The following ADCYAP1R1 variants were observed in gnomAD, a reference collection of about 807,000 sequenced individuals.
The protein encoded by ADCYAP1R1 is pituitary adenylate cyclase-activating polypeptide type I receptor.
A neutral mutation model predicts 67.6 loss-of-function variants in ADCYAP1R1; 44 were observed. The observed-to-expected ratio is 0.65, with a 90% CI of 0.51 to 0.84. ADCYAP1R1 has a LOEUF of 0.84. Ranked by LOEUF, ADCYAP1R1 falls within the 40% of genes least tolerant of loss-of-function variation. The pLI, the probability that ADCYAP1R1 is intolerant of heterozygous loss-of-function variation, is 0.00. For synonymous variants in ADCYAP1R1, 222 were observed against 219.6 expected (o/e 1.01, Z -0.10); for missense variants, 477 against 587.9 (o/e 0.81, Z 1.95).
At chr7:31,056,930 C>T (rs536688706) in intron 1 of ADCYAP1R1, 2 of 152,390 alleles carry the variant, frequency 1.3e-5, no homozygotes, top group Non-Finnish European at 1.5e-5. Flanking sequence ...AGGGGGCGCT[C>T]ATCCAGGTTT....
Position 31,102,120 on chromosome 7 carries a change from C to A in ADCYAP1R1, c.1047-1117C>A, listed in dbSNP as rs1471788579. Among the ~76,000 whole-genome samples the A allele has an allele frequency of 1.3e-5, 2 of 152,238 alleles. No homozygotes were observed. Among genetic ancestry groups the A allele is most frequent in the Non-Finnish European group, 2.9e-5 (2 of 68,038 alleles). On this transcript the variant is annotated intron_variant, in intron 13 of 15. Transcript: ENST00000304166. The surrounding 1 kb of genome is among the most constrained non-coding windows in gnomAD (Gnocchi z 4.3). ...GAGCTCCCATGTTCAACAGAACATT[C>A]TCTCCCAGAAAGGCTGAATGCGGGA...
At chr7:31,095,993 C>T (rs918104966) in intron 13 of ADCYAP1R1, among the ~76,000 whole-genome samples, 1 of 152,060 alleles carries the variant, frequency 6.6e-6, no homozygotes, top group Non-Finnish European at 1.5e-5. Context: ...TCGACTTGGT[C>T]TGGGGCAGGG....
intron 1 of ADCYAP1R1, among the ~76,000 whole-genome samples, chr7:31,059,905 C>T (rs1346124839): frequency 1.5e-5 from 2 of 133,028 alleles, no homozygotes; most frequent in Admixed American, 7.5e-5. Flanking sequence ...TCTTTGCTGG[C>T]GGGGGCGTCT....
intron 1 of ADCYAP1R1, among the ~76,000 whole-genome samples, chr7:31,060,670 A>G (rs2128614904): frequency 6.6e-6 from 1 of 151,760 alleles, no homozygotes; most frequent in South Asian, 2.1e-4. Flanking sequence ...CTGTGGACCT[A>G]TTTCTGTGTA....
chr7:31,053,624 G>T (rs973130407), intron 1 of ADCYAP1R1, among the ~76,000 whole-genome samples: 1 of 152,250 alleles, frequency 6.6e-6, no homozygotes, highest in African/African-American at 2.4e-5. Flanking sequence ...GAAGATGGGG[G>T]TGGGGTGGTG....
At chr7:31,063,133 T>C in intron 1 of ADCYAP1R1, 61 bp from the exon 2 acceptor site, 1 of 989,562 alleles carries the variant, frequency 1.0e-6, no homozygotes, top group South Asian at 1.5e-5. Flanking sequence ...GGAAGGGAGG[T>C]GGTCTTGCCC....
In ADCYAP1R1 at chr7:31,104,929, G is replaced by C. The variant is rs1796578901; in HGVS notation, c.1218+20G>C. On this transcript the variant is annotated intron_variant, in intron 15 of 15. Transcript: ENST00000304166. ...GGTGAGGTAAGACCTTGGCCCTCTGGCTTCTTGGCAGTGGAAGTGGGGCTT... is the reference window on the plus strand; with the variant it reads ...GGTGAGGTAAGACCTTGGCCCTCTGCCTTCTTGGCAGTGGAAGTGGGGCTT... The C allele has an allele frequency of 3.1e-6, 5 of 1,613,944 alleles. No individual in the cohort carries two copies. The highest frequency in any genetic ancestry group is 4.2e-6 in the Non-Finnish European group (5 of 1,179,836).
chr7:31,084,117 C>T lies in ADCYAP1R1; in HGVS notation c.329-24C>T, dbSNP rs574719357. The T allele has an allele frequency of 8.4e-5, 135 of 1,604,326 alleles. 1 individual carries two copies. The highest frequency in any genetic ancestry group is 7.2e-4 in the South Asian group (65 of 90,690). On this transcript the variant is annotated intron_variant, in intron 6 of 15. Transcript: ENST00000304166. Reference sequence around the variant, plus strand: ...GGCCCTCTTAATCATTTCTGGGCCTCGCTGAGTTTTCTTTTTGCTGCAGAC... The same window carrying T: ...GGCCCTCTTAATCATTTCTGGGCCTTGCTGAGTTTTCTTTTTGCTGCAGAC...
At chr7:31,097,881 G>T (rs748914047) in intron 13 of ADCYAP1R1, among the ~76,000 whole-genome samples, 1 of 152,210 alleles carries the variant, frequency 6.6e-6, no homozygotes, top group South Asian at 2.1e-4. Flanking sequence ...GTCACTGGCC[G>T]TAGGAGAGAA....
rs758560832 is a variant in ADCYAP1R1, at chr7:31,084,827, C to T, written c.529C>T (p.Arg177Cys). Reference protein sequence around the residue: ...TLTTAMVILCRFRKLHCTRNF... With the variant: ...TLTTAMVILCCFRKLHCTRNF... Reference sequence around the variant, plus strand: ...CACCACTGCCATGGTCATCCTTTGTCGCTTCCGGTGAGACCCTCAGCAACA... The same window carrying T: ...CACCACTGCCATGGTCATCCTTTGTTGCTTCCGGTGAGACCCTCAGCAACA... Residue 177 changes from arginine (R) to cysteine (C), a missense_variant, in exon 8 of 16, where the codon CGC (arginine) becomes TGC (cysteine). Transcript: ENST00000304166. 1.1e-5 allele frequency: 17 copies of T among 1,613,932 alleles called. No homozygotes were observed. Among genetic ancestry groups the T allele is most frequent in the Middle Eastern group, 1.6e-4 (1 of 6,084 alleles).
chr7:31,076,731 G>A (rs1346848514), intron 3 of ADCYAP1R1, among the ~76,000 whole-genome samples: 3 of 152,284 alleles, frequency 2.0e-5, no homozygotes, highest in East Asian at 3.9e-4. Flanking sequence ...CCCCTGCTGG[G>A]CCTGCCTTGG....
At chr7:31,092,321 A>C (rs1647730986) in intron 12 of ADCYAP1R1, among the ~76,000 whole-genome samples, 1 of 151,726 alleles carries the variant, frequency 6.6e-6, no homozygotes, top group Non-Finnish European at 1.5e-5. Flanking sequence ...CAATAGTCTT[A>C]CTTTATCTCT....
Position 31,111,216 on chromosome 7 carries a change from G to A in ADCYAP1R1, c.*4532G>A, listed in dbSNP as rs1364662767. The A allele has an allele frequency of 1.3e-5, 2 of 152,224 alleles. No individual in the cohort carries two copies. Among genetic ancestry groups the A allele is most frequent in the Middle Eastern group, 3.2e-3 (1 of 316 alleles). 9.4% of individuals were successfully genotyped at this position (152,224 alleles called of 1,614,324 possible). A position where few individuals can be genotyped will look rare whatever the true frequency, so the allele number is the denominator to read the frequency against. On this transcript the variant is annotated 3_prime_UTR_variant, in exon 16 of 16. Coordinates refer to ENST00000304166, the MANE Select transcript of ADCYAP1R1 (RefSeq NM_001118.5). ...GGTGTTTCTGCACTTGGCTATGTGT[G>A]TCTTGTCTGATGTCTGTCTTCTGTA...
At chr7:31,073,767 A>G (rs1360259185) in intron 3 of ADCYAP1R1, among the ~76,000 whole-genome samples, 1 of 152,160 alleles carries the variant, frequency 6.6e-6, no homozygotes, top group Non-Finnish European at 1.5e-5. Context: ...GAGTCTCTTG[A>G]GACCCCAGCA....
chr7:31,084,923 C>A, intron 8 of ADCYAP1R1, 89 bp downstream of exon 8: 1 of 1,256,308 alleles, frequency 8.0e-7, no homozygotes, highest in Non-Finnish European at 1.2e-6. Flanking sequence ...CCCTTGATGT[C>A]AGCCCTAGAA....
chr7:31,106,700 T>G lies in ADCYAP1R1; in HGVS notation c.*16T>G. The stretch of plus-strand genomic sequence containing the variant: ...GGCCACCTGAGCCATGCTCCCCTCC[T>G]CCTCCTCTCCTCCATCCACAGGCTG... On this transcript the variant is annotated 3_prime_UTR_variant, in exon 16 of 16. Transcript: ENST00000304166. 6.3e-7 allele frequency: 1 copy of G among 1,583,778 alleles called. No individual in the cohort carries two copies. Among genetic ancestry groups the G allele is most frequent in the Non-Finnish European group, 8.6e-7 (1 of 1,164,950 alleles).
chr7:31,054,111 C>T (rs1361048437), intron 1 of ADCYAP1R1, among the ~76,000 whole-genome samples: 1 of 152,138 alleles, frequency 6.6e-6, no homozygotes, highest in Non-Finnish European at 1.5e-5. Context: ...GGACACAAGC[C>T]GAAATCTGAA....
chr7:31,101,479 C>T (rs543649754), intron 13 of ADCYAP1R1, among the ~76,000 whole-genome samples: 14 of 152,172 alleles, frequency 9.2e-5, no homozygotes, highest in Admixed American at 8.5e-4. Flanking sequence ...TGGGCTCCTT[C>T]AATAGATATC....
intron 2 of ADCYAP1R1, 98 bp from the exon 3 acceptor site, chr7:31,064,733 C>G: frequency 3.1e-6 from 3 of 953,298 alleles, no homozygotes; most frequent in South Asian, 1.4e-5. Flanking sequence ...GCTTCTGCTC[C>G]CCACTCCCCC....
Sources: allele counts gnomAD v4.1 joint callset (sites outside exome capture counted in the v4.1 genomes callset), GRCh38; gene constraint gnomAD v4.1.1; non-coding constraint Gnocchi (gnomAD v3.1); transcripts MANE v1.5; gene names NCBI Gene and HGNC (gene_info 2026-07-23, HGNC 2026-07-21).